Variants in EIF2AK4 observed in about 807,000 individuals in gnomAD.
EIF2AK4 encodes eukaryotic translation initiation factor 2 alpha kinase 4.
Under a neutral mutation model 211.1 loss-of-function variants are expected in EIF2AK4, and 139 were observed. The ratio of observed to expected loss-of-function variants is 0.66; its 90% CI spans 0.57 to 0.76. The LOEUF (loss-of-function observed/expected upper bound fraction) is 0.76, where lower values mean the gene tolerates loss of function less well. EIF2AK4 is among the 30% of genes least tolerant of loss of function. The pLI is 0.00. For missense variants in EIF2AK4, 1,664 were observed against 2,043.8 expected, an observed-to-expected ratio of 0.81 and a Z score of 3.58; for synonymous variants, 710 against 751.3, an observed-to-expected ratio of 0.94 and a Z score of 0.90.
intron 15 of EIF2AK4, 75 bp from the exon 16 acceptor site, chr15:39,990,198 G>A: frequency 1.4e-6 from 2 of 1,427,514 alleles, no homozygotes; most frequent in South Asian, 2.4e-5. Context: ...CGCTAGGTTG[G>A]CCTTTTAAAT....
At chr15:40,029,728 C>T (rs1037889118) in intron 34 of EIF2AK4, among the ~76,000 whole-genome samples, 2 of 152,158 alleles carry the variant, frequency 1.3e-5, no homozygotes, top group African/African-American at 4.8e-5. Context: ...ATTTATTGTA[C>T]AAGTGAAATG....
chr15:40,022,214 G>GTGTGTGTGT, intron 31 of EIF2AK4: 1 of 232,442 alleles, frequency 4.3e-6, no homozygotes, highest in Non-Finnish European at 8.2e-6. Flanking sequence ...GTGTGTGTGT[G>GTGTGTGTGT]TATGTTGTGT....
intron 7 of EIF2AK4, among the ~76,000 whole-genome samples, chr15:39,964,524 G>A (rs1314804622): frequency 6.6e-6 from 1 of 152,050 alleles, no homozygotes; most frequent in Non-Finnish European, 1.5e-5. Flanking sequence ...ATCCTACAGT[G>A]CACAAAACAG....
chr15:40,026,113 GAA>G, intron 33 of EIF2AK4, 24 bp downstream of exon 33: 2 of 1,597,940 alleles, frequency 1.3e-6, no homozygotes, highest in Non-Finnish European at 1.7e-6. Flanking sequence ...CAAAAGCCGA[GAA>G]AAGTGACTTC....
chr15:40,025,233 A>G, intron 32 of EIF2AK4, among the ~76,000 whole-genome samples: 1 of 152,214 alleles, frequency 6.6e-6, no homozygotes, highest in East Asian at 1.9e-4. Context: ...GAAGCAGAAA[A>G]TGGTTATAGC....
At chr15:40,008,253 G>T in intron 25 of EIF2AK4, 58 bp downstream of exon 25, 1 of 1,474,598 alleles carries the variant, frequency 6.8e-7, no homozygotes, top group East Asian at 2.4e-5. Context: ...CACCAAGTGT[G>T]GTGGGGAAAA....
Position 39,955,749 on chromosome 15 carries a change from A to C in EIF2AK4, c.724A>C (p.Asn242His). ...TGTAGGAAATGGTAAACATCGGGCAAACTCCTCAGGAAGGTCTAGGTAAGT... is the reference window on the plus strand; with the variant it reads ...TGTAGGAAATGGTAAACATCGGGCACACTCCTCAGGAAGGTCTAGGTAAGT... ...DFVGNGKHRA[N>H]SSGRSRRERQ... Residue 242 changes from asparagine to histidine, a missense_variant, in exon 6 of 39, where the codon AAC becomes CAC. Transcript: ENST00000263791. 6.2e-7 allele frequency: 1 copy of C among 1,611,578 alleles called. No individual in the cohort carries two copies. Among genetic ancestry groups the C allele is most frequent in the African/African-American group, 1.3e-5 (1 of 74,930 alleles).
intron 17 of EIF2AK4, chr15:39,992,558 A>G (rs920236884): frequency 8.5e-6 from 5 of 591,704 alleles, no homozygotes; most frequent in Non-Finnish European, 1.5e-5. Context: ...CCTCCTCTTC[A>G]ATAGCAAAGA....
rs956545005 is a variant in EIF2AK4 at position 40,007,511 on chromosome 15, C to T, written c.3407+446C>T. The stretch of plus-strand genomic sequence containing the variant: ...AGAAGTGGAGTAAACCCAGCAGGAA[C>T]GCTGAGCGCTGAGGACCTCCAGGCA... On this transcript the variant is annotated intron_variant, in intron 24 of 38. Coordinates refer to ENST00000263791, the MANE Select transcript of EIF2AK4 (RefSeq NM_001013703.4). Among the ~76,000 whole-genome samples, 5 of 152,186 alleles carry T rather than the reference C, an allele frequency of 3.3e-5. No homozygotes were observed. The South Asian group carries it at 8.3e-4, about 25-fold the overall frequency.
At chr15:39,937,763 G>A (rs1374631387) in intron 1 of EIF2AK4, among the ~76,000 whole-genome samples, 3 of 151,916 alleles carry the variant, frequency 2.0e-5, no homozygotes, top group South Asian at 2.1e-4. Flanking sequence ...ACGGGCCTAG[G>A]CCACCTCCCC....
At chr15:39,992,260 T>C in intron 17 of EIF2AK4, 31 bp downstream of exon 17, 1 of 1,572,180 alleles carries the variant, frequency 6.4e-7, no homozygotes, top group Non-Finnish European at 8.7e-7. Context: ...ATTTCATCCA[T>C]GTGTTAAAGA....
At chr15:40,030,583 C>T (rs1392708635) in intron 35 of EIF2AK4, 127 bp downstream of exon 35, 33 of 1,025,712 alleles carry the variant, frequency 3.2e-5, no homozygotes, top group African/African-American at 4.9e-5. Flanking sequence ...AAAAATTTTT[C>T]TTCCAACTTG....
chr15:39,973,330 G>A (rs533481490), intron 10 of EIF2AK4, among the ~76,000 whole-genome samples: 6 of 152,298 alleles, frequency 3.9e-5, no homozygotes, highest in East Asian at 3.9e-4. Context: ...TGGATCATGA[G>A]ACCTGAGTTT....
rs1159578122 is a variant in EIF2AK4 at position 39,934,178 on chromosome 15, C to G, written c.-18C>G. ...CGCCGCCCAGGCAAGGCCGCCCTGC[C>G]TTGGGCGCAGCGCTGCCATGGCTGG... is the stretch of plus-strand genomic sequence containing the variant. On this transcript the variant is annotated 5_prime_UTR_variant, in exon 1 of 39. Transcript: ENST00000263791. The G allele has an allele frequency of 3.3e-6, 5 of 1,499,652 alleles. No individual in the cohort carries two copies. The East Asian group carries it at 8.3e-5, about 25-fold the overall frequency. 92.9% of individuals were successfully genotyped at this position (1,499,652 alleles called of 1,614,324 possible).
chr15:40,005,678 T>C (rs1358164790), intron 23 of EIF2AK4, among the ~76,000 whole-genome samples: 1 of 151,398 alleles, frequency 6.6e-6, no homozygotes, highest in Non-Finnish European at 1.5e-5. Flanking sequence ...TTCACGCCAT[T>C]CTCCTGCCTC....
chr15:40,033,024 TAAAAACA>T (rs1479064964), intron 37 of EIF2AK4, among the ~76,000 whole-genome samples: 2 of 152,152 alleles, frequency 1.3e-5, no homozygotes, highest in Non-Finnish European at 2.9e-5. Flanking sequence ...CTTATTTTAT[TAAAAACA>T]AAAAACAAAA....
chr15:40,017,326 CA>C, intron 29 of EIF2AK4, 84 bp downstream of exon 29: 1 of 1,475,978 alleles, frequency 6.8e-7, no homozygotes, highest in South Asian at 1.3e-5. Context: ...AAACTAACAC[CA>C]AAAATTTGAA....
intron 23 of EIF2AK4, among the ~76,000 whole-genome samples, chr15:40,005,878 A>G (rs930417109): frequency 4.6e-5 from 7 of 151,792 alleles, no homozygotes; most frequent in Non-Finnish European, 1.0e-4. Flanking sequence ...GCCTGCATAC[A>G]CTTGATATAT....
intron 7 of EIF2AK4, among the ~76,000 whole-genome samples, chr15:39,964,440 A>G (rs546942176): frequency 6.0e-4 from 92 of 152,256 alleles, no homozygotes; most frequent in African/African-American, 2.2e-3. Context: ...ATGTCTGCAC[A>G]CATTTTTGAT....
Sources: gnomAD v4.1 joint callset for allele counts (sites outside exome capture counted in the v4.1 genomes callset) on GRCh38, gnomAD v4.1.1 for gene constraint, MANE v1.5 for transcripts, NCBI Gene and HGNC (gene_info 2026-07-23, HGNC 2026-07-21) for gene names.